The following PCSK2 variants were observed in gnomAD, a reference collection of about 807,000 sequenced individuals.
The protein encoded by PCSK2 is neuroendocrine convertase 2.
Under a neutral mutation model 69.7 loss-of-function variants are expected in PCSK2, and 14 were observed. That is an observed-to-expected ratio of 0.20 (90% CI 0.13 to 0.31). The LOEUF is 0.31. Ranked by LOEUF, PCSK2 falls within the 10% of genes least tolerant of loss-of-function variation. PCSK2 has a pLI of 1.00. For synonymous variants in PCSK2, 307 were observed against 320.7 expected, an observed-to-expected ratio of 0.96 and a Z score of 0.46; for missense variants, 544 against 842.5, an observed-to-expected ratio of 0.65 and a Z score of 4.39.
chr20:17,308,815 GT>G (rs1241980710), intron 2 of PCSK2, among the ~76,000 whole-genome samples: 3 of 152,072 alleles, frequency 2.0e-5, no homozygotes, highest in African/African-American at 7.2e-5. Flanking sequence ...GCCCCATGTG[GT>G]CTCCCATCTT....
At chr20:17,383,183 T>C (rs186472160) in intron 5 of PCSK2, among the ~76,000 whole-genome samples, 2,052 of 152,292 alleles carry the variant, frequency 0.013, 25 homozygotes, top group South Asian at 0.037. Flanking sequence ...GCTTTCCTCT[T>C]TTTCTTTTGC....
chr20:17,257,898 A>T (rs769952422), intron 1 of PCSK2, among the ~76,000 whole-genome samples: 1 of 152,152 alleles, frequency 6.6e-6, no homozygotes, highest in Non-Finnish European at 1.5e-5. Context: ...AGATTCTTTT[A>T]CAAAGGTTTT....
At chr20:17,446,584 C>G (rs2269020) in intron 8 of PCSK2, among the ~76,000 whole-genome samples, 100,972 of 152,078 alleles carry the variant, frequency 0.66, 33,880 homozygotes, top group African/African-American at 0.75. Flanking sequence ...TGTACCGAAA[C>G]AGTTAGGTAG....
chr20:17,301,661 G>T (rs989358876), intron 2 of PCSK2, among the ~76,000 whole-genome samples: 2 of 152,018 alleles, frequency 1.3e-5, no homozygotes, highest in African/African-American at 2.4e-5. Flanking sequence ...GACCAGGCAC[G>T]GTGGCTCACG....
chr20:17,411,417 T>C (rs2031870086), intron 6 of PCSK2, among the ~76,000 whole-genome samples: 1 of 152,216 alleles, frequency 6.6e-6, no homozygotes, highest in Non-Finnish European at 1.5e-5. Flanking sequence ...CCATGGAGCT[T>C]TGCTCACTGC....
At chr20:17,324,122 T>C (rs1282442244) in intron 2 of PCSK2, among the ~76,000 whole-genome samples, 1 of 152,250 alleles carries the variant, frequency 6.6e-6, no homozygotes, top group East Asian at 1.9e-4. Context: ...TTGTGGACAG[T>C]AGTAACAAGC....
At chr20:17,372,143 G>C (rs1278436683) in intron 5 of PCSK2, among the ~76,000 whole-genome samples, 1 of 152,108 alleles carries the variant, frequency 6.6e-6, no homozygotes, top group Admixed American at 6.5e-5. Flanking sequence ...TTATTGGGAG[G>C]CCAAGGCAGG....
intron 2 of PCSK2, among the ~76,000 whole-genome samples, chr20:17,289,029 G>C (rs756239278): frequency 1.2e-4 from 19 of 152,170 alleles, no homozygotes; most frequent in Non-Finnish European, 2.4e-4. Flanking sequence ...GATGTTACTG[G>C]AAACCACCTT....
chr20:17,422,111 A>C (rs1848400075), intron 6 of PCSK2, among the ~76,000 whole-genome samples: 1 of 152,228 alleles, frequency 6.6e-6, no homozygotes, highest in African/African-American at 2.4e-5. Flanking sequence ...AACCAATTGC[A>C]GCTGAAAAAT....
At chr20:17,412,826 A>G (rs1005787515) in intron 6 of PCSK2, among the ~76,000 whole-genome samples, 4 of 152,230 alleles carry the variant, frequency 2.6e-5, no homozygotes, top group Non-Finnish European at 4.4e-5. Flanking sequence ...GACTAACAGC[A>G]GATCTCTCAG....
Position 17,472,342 on chromosome 20 carries a change from G to A in PCSK2, c.1430+6789G>A, listed in dbSNP as rs541498982. Among the ~76,000 whole-genome samples, 9 of 152,352 alleles carry A rather than the reference G, an allele frequency of 5.9e-5. 1 individual carries two copies. The South Asian group carries it at 1.9e-3, about 32-fold the overall frequency. On this transcript the variant is annotated intron_variant, in intron 11 of 11. Coordinates refer to ENST00000262545, the MANE Select transcript of PCSK2 (RefSeq NM_002594.5). ...GAGAGGTCAGCGTGTGCTCGGCCCT[G>A]TGCCACCTGGGGGACTGTGGACCAG...
chr20:17,329,762 C>T (rs1242668916), intron 2 of PCSK2, among the ~76,000 whole-genome samples: 2 of 152,194 alleles, frequency 1.3e-5, no homozygotes, highest in East Asian at 1.9e-4. Context: ...GTCCTATATT[C>T]CTAAAAGTCA....
At position 17,264,996 on chromosome 20, in the gene PCSK2, T is replaced by A. The variant is rs142756573; in HGVS notation, c.282+4652T>A. On this transcript the variant is annotated intron_variant, in intron 2 of 11. Coordinates refer to ENST00000262545, the MANE Select transcript of PCSK2 (RefSeq NM_002594.5). ...CTTGTGCCTCAGCCTCCTGAGTAGC[T>A]GGGATTATAGGTGCGTGACACCACA... Among the ~76,000 whole-genome samples the A allele has an allele frequency of 2.6e-3, 396 of 152,254 alleles. 1 individual carries two copies. Among genetic ancestry groups the A allele is most frequent in the African/African-American group, 8.6e-3 (357 of 41,554 alleles).
intron 6 of PCSK2, among the ~76,000 whole-genome samples, chr20:17,428,952 T>C (rs1274019883): frequency 8.2e-6 from 1 of 121,350 alleles, no homozygotes; most frequent in African/African-American, 3.2e-5. Flanking sequence ...TAAGCCAAGA[T>C]TGCACCACTG....
chr20:17,278,629 G>C (rs1323855264), intron 2 of PCSK2, among the ~76,000 whole-genome samples: 1 of 152,080 alleles, frequency 6.6e-6, no homozygotes, highest in African/African-American at 2.4e-5. Flanking sequence ...TAAATGACGA[G>C]TTAATGGGTG....
chr20:17,333,764 G>T (rs994660434), intron 2 of PCSK2, among the ~76,000 whole-genome samples: 1 of 151,714 alleles, frequency 6.6e-6, no homozygotes, highest in Non-Finnish European at 1.5e-5. Context: ...GCAAGCCCCT[G>T]TGTCCTCATC....
intron 6 of PCSK2, among the ~76,000 whole-genome samples, chr20:17,418,587 C>T (rs1236424260): frequency 2.6e-5 from 4 of 152,088 alleles, no homozygotes; most frequent in African/African-American, 9.7e-5. Flanking sequence ...AGAAACTGGG[C>T]CAGGGGCATA....
intron 6 of PCSK2, among the ~76,000 whole-genome samples, chr20:17,427,826 T>A (rs2123334737): frequency 6.6e-6 from 1 of 152,284 alleles, no homozygotes; most frequent in Admixed American, 6.5e-5. Flanking sequence ...AGGTTATGTG[T>A]CTTTCATCAT....
chr20:17,420,420 G>C (rs908288088), intron 6 of PCSK2, among the ~76,000 whole-genome samples: 3 of 152,174 alleles, frequency 2.0e-5, no homozygotes. Context: ...TTAGCTCAAA[G>C]GTTACTGCTT....
Sources: allele counts gnomAD v4.1 joint callset (sites outside exome capture counted in the v4.1 genomes callset), GRCh38; gene constraint gnomAD v4.1.1; transcripts MANE v1.5; gene names NCBI Gene and HGNC (gene_info 2026-07-23, HGNC 2026-07-21).